The following AP3B2 variants were observed in gnomAD, a reference collection of about 807,000 sequenced individuals.
AP3B2 encodes adaptor related protein complex 3 subunit beta 2, also known as AP-3 complex subunit beta-2.
A neutral mutation model predicts 126.9 loss-of-function variants in AP3B2; 50 were observed. The ratio of observed to expected loss-of-function variants is 0.39; its 90% confidence interval spans 0.31 to 0.50. The LOEUF (loss-of-function observed/expected upper bound fraction) is 0.50. AP3B2 is among the 20% of genes least tolerant of loss of function. The pLI, the probability that AP3B2 is intolerant of heterozygous loss-of-function variation, is 0.79. For synonymous variants in AP3B2, 541 were observed against 565.0 expected (o/e 0.96, Z 0.60); for missense variants, 1,177 against 1,426.4 (o/e 0.83, Z 2.82).
intron 14 of AP3B2, among the ~76,000 whole-genome samples, chr15:82,668,140 T>G (rs2048090342): frequency 6.6e-6 from 1 of 152,074 alleles, no homozygotes; most frequent in Non-Finnish European, 1.5e-5. Flanking sequence ...TGACCCAGAG[T>G]CTGAGCAGCT....
intron 11 of AP3B2, 38 bp from the exon 12 acceptor site, chr15:82,677,841 C>A: frequency 6.4e-7 from 1 of 1,557,732 alleles, no homozygotes; most frequent in Admixed American, 1.8e-5. Context: ...AGTGACTCTG[C>A]AGGCTTGAGG....
intron 14 of AP3B2, among the ~76,000 whole-genome samples, chr15:82,671,460 C>T (rs140987547): frequency 0.018 from 2,703 of 152,022 alleles, 30 homozygotes; most frequent in Non-Finnish European, 0.026. Context: ...AAACATAGGC[C>T]GGGCACGGTG....
Position 82,663,595 on chromosome 15 carries a change from G to T in AP3B2, c.2462C>A (p.Ala821Glu), listed in dbSNP as rs1329016868. The T allele has an allele frequency of 6.2e-7, 1 of 1,613,898 alleles. No homozygotes were observed. Among genetic ancestry groups the T allele is most frequent in the Non-Finnish European group, 8.5e-7 (1 of 1,179,836 alleles). Residue 821 changes from alanine (A) to glutamate (E), a missense_variant, in exon 21 of 27, where the codon GCA becomes GAA. By Grantham distance (107) the Ala-to-Glu change is moderately radical. Around this residue, in one of 5 missense-constraint regions of AP3B2, gnomAD observed 587 missense variants for 571.3 expected, o/e 1.03. Transcript: ENST00000535359. The stretch of plus-strand genomic sequence containing the variant: ...ATCAAGCAGGGAGATCTCCTTGGTT[G>T]CAGGAGCACTTTTGCTGCTGGGAGG... ...KTPPSSKSAP[A>E]TKEISLLDLE...
chr15:82,659,535 C>G lies in AP3B2; in HGVS notation c.*25G>C, dbSNP rs1468009055. The G allele has an allele frequency of 6.2e-7, 1 of 1,611,312 alleles. No individual in the cohort carries two copies. Among genetic ancestry groups the G allele is most frequent in the East Asian group, 2.2e-5 (1 of 44,832 alleles). ...TGTCATGGGGAGGTATAGATGGGAG[C>G]CAAACAGGTCACAGCATTTGGAAGT... is the stretch of plus-strand genomic sequence containing the variant. On this transcript the variant is annotated 3_prime_UTR_variant, in exon 27 of 27. Coordinates refer to ENST00000535359, the MANE Select transcript of AP3B2 (RefSeq NM_001278512.2).
chr15:82,672,575 AATTT>A (rs2048175576), intron 14 of AP3B2, among the ~76,000 whole-genome samples: 2 of 152,224 alleles, frequency 1.3e-5, no homozygotes, highest in Non-Finnish European at 1.5e-5. Flanking sequence ...AGTCAACAAT[AATTT>A]ATTATACATT....
chr15:82,692,094 G>A, intron 1 of AP3B2: 1 of 1,495,438 alleles, frequency 6.7e-7, no homozygotes, highest in Non-Finnish European at 9.2e-7. Context: ...TCCCACCACG[G>A]GGCCACCCAC....
At chr15:82,670,069 CAAAAAAAA>C (rs779045948) in intron 14 of AP3B2, among the ~76,000 whole-genome samples, 3 of 36,424 alleles carry the variant, frequency 8.2e-5, no homozygotes, top group African/African-American at 2.3e-4. Flanking sequence ...ACTCCGTCTC[CAAAAAAAA>C]AAAAAAAAAA....
At chr15:82,694,074 G>A (rs570654119) in intron 1 of AP3B2, among the ~76,000 whole-genome samples, 2 of 151,904 alleles carry the variant, frequency 1.3e-5, no homozygotes, top group South Asian at 4.2e-4. Context: ...CGCAATCTCG[G>A]CTCACTGCAG....
Position 82,681,620 on chromosome 15 carries a change from A to T in AP3B2, c.361-40T>A. On this transcript the variant is annotated intron_variant, in intron 4 of 26. Transcript: ENST00000535359. The surrounding 1 kb of genome is among the most constrained non-coding windows in gnomAD (Gnocchi z 4.0). ...GGAGGCAGAGCTATGAAAGGGCACCAGGTGCCCTGATGGGGGGAGGCCACA... is the reference window on the plus strand; with the variant it reads ...GGAGGCAGAGCTATGAAAGGGCACCTGGTGCCCTGATGGGGGGAGGCCACA... The T allele has an allele frequency of 6.3e-7, 1 of 1,596,216 alleles. No homozygotes were observed. The highest frequency in any genetic ancestry group is 8.5e-7 in the Non-Finnish European group (1 of 1,172,158).
chr15:82,685,328 GTGCAATATCT>G (rs2048408728), intron 4 of AP3B2: 1 of 152,180 alleles, frequency 6.6e-6, no homozygotes, highest in Non-Finnish European at 1.5e-5. Flanking sequence ...TTTGTAAAAA[GTGCAATATCT>G]GGCAATATCT....
intron 1 of AP3B2, chr15:82,692,355 A>C: frequency 3.8e-6 from 2 of 525,958 alleles, no homozygotes; most frequent in Non-Finnish European, 6.6e-6. Flanking sequence ...GCCCAGCCCA[A>C]CATCGGCACC....
At chr15:82,692,394 C>G (rs1024469547) in intron 1 of AP3B2, 4 of 492,136 alleles carry the variant, frequency 8.1e-6, no homozygotes, top group Non-Finnish European at 1.4e-5. Flanking sequence ...GCAATCCCCC[C>G]GCAGCGTCCC....
chr15:82,662,923 C>CT lies in AP3B2; in HGVS notation c.2605-2dup. ...CAACACCCGATACTGGACTCAGAAG[C>CT]TAGAGTGGAGGGGTAGGGAAGGACA... On this transcript the variant is annotated splice_acceptor_variant, in intron 22 of 26. Transcript: ENST00000535359. LOFTEE classifies it high-confidence loss of function. 1 of 1,611,520 alleles carries CT rather than the reference C, an allele frequency of 6.2e-7. No homozygotes were observed. The highest frequency in any genetic ancestry group is 8.5e-7 in the Non-Finnish European group (1 of 1,179,288).
intron 10 of AP3B2, 110 bp from the exon 11 acceptor site, chr15:82,678,277 T>G: frequency 9.7e-7 from 1 of 1,034,020 alleles, no homozygotes; most frequent in Non-Finnish European, 1.5e-6. Context: ...ATGACAGCCC[T>G]GCATCATCCT....
chr15:82,682,539 C>T (rs2048357485), intron 4 of AP3B2, among the ~76,000 whole-genome samples: 1 of 152,026 alleles, frequency 6.6e-6, no homozygotes. Context: ...GCAAATATCG[C>T]ACTAAAACGA....
At chr15:82,678,603 A>G (rs1456585238) in intron 10 of AP3B2, among the ~76,000 whole-genome samples, 1 of 152,164 alleles carries the variant, frequency 6.6e-6, no homozygotes, top group Non-Finnish European at 1.5e-5. Context: ...TGCGTGGAGC[A>G]GTTCTTCCCA....
At chr15:82,706,115 C>T (rs71513997) in intron 1 of AP3B2, among the ~76,000 whole-genome samples, 4 of 152,166 alleles carry the variant, frequency 2.6e-5, no homozygotes, top group Admixed American at 6.5e-5. Flanking sequence ...CTGCGTGCAG[C>T]GGCTGCCGCT....
intron 13 of AP3B2, among the ~76,000 whole-genome samples, chr15:82,677,020 C>T (rs1353382699): frequency 6.6e-6 from 1 of 152,144 alleles, no homozygotes; most frequent in Non-Finnish European, 1.5e-5. Context: ...TGTCACTCAA[C>T]CATGGTTGGC....
intron 14 of AP3B2, among the ~76,000 whole-genome samples, chr15:82,670,362 G>A (rs1420136145): frequency 2.0e-5 from 3 of 151,942 alleles, no homozygotes; most frequent in Admixed American, 6.6e-5. Flanking sequence ...CACCAGCCTC[G>A]GCCTCCCAAG....
Sources: gnomAD v4.1 joint callset for allele counts (sites outside exome capture counted in the v4.1 genomes callset) on GRCh38, gnomAD v4.1.1 for gene constraint, gnomAD v4.1.1 regional missense constraint, Gnocchi (gnomAD v3.1) non-coding constraint, MANE v1.5 for transcripts, NCBI Gene and HGNC (gene_info 2026-07-23, HGNC 2026-07-21) for gene names.